Variants in AP3B1 observed in about 807,000 individuals in gnomAD.
AP3B1 encodes AP-3 complex subunit beta-1.
AP3B1 carries 61 observed loss-of-function variants against 132.5 expected under a neutral mutation model. The ratio of observed to expected loss-of-function variants is 0.46; its 90% CI spans 0.37 to 0.57. The LOEUF (loss-of-function observed/expected upper bound fraction) is 0.57, where lower values mean the gene tolerates loss of function less well. Ranked by LOEUF, AP3B1 falls within the 20% of genes least tolerant of loss-of-function variation. The pLI, the probability that AP3B1 is intolerant of heterozygous loss-of-function variation, is 0.00. For synonymous variants in AP3B1, 388 were observed against 438.3 expected (o/e 0.89, Z 1.43); for missense variants, 1,120 against 1,289.4 (o/e 0.87, Z 2.01).
intron 7 of AP3B1, among the ~76,000 whole-genome samples, chr5:78,209,157 T>A (rs1745632005): frequency 6.6e-6 from 1 of 151,966 alleles, no homozygotes; most frequent in Non-Finnish European, 1.5e-5. Context: ...AGGGACCCCT[T>A]CTCACGACCA....
intron 11 of AP3B1, among the ~76,000 whole-genome samples, chr5:78,168,219 CTTT>C (rs535444476): frequency 0.011 from 1,543 of 142,736 alleles, 15 homozygotes; most frequent in Middle Eastern, 0.018. Context: ...CAACTTTTTT[CTTT>C]TTTCTTTTTT....
At chr5:78,192,539 G>A (rs1451073244) in intron 7 of AP3B1, among the ~76,000 whole-genome samples, 1 of 152,144 alleles carries the variant, frequency 6.6e-6, no homozygotes, top group African/African-American at 2.4e-5. Context: ...CTACTCCAGA[G>A]GCTGAGGTAG....
intron 7 of AP3B1, among the ~76,000 whole-genome samples, chr5:78,190,105 AG>A (rs1744768478): frequency 6.6e-6 from 1 of 152,014 alleles, no homozygotes; most frequent in Admixed American, 6.6e-5. Flanking sequence ...CTAAAATAAA[AG>A]GGATTATTTG....
At chr5:78,024,546 T>C (rs1187678943) in intron 24 of AP3B1, among the ~76,000 whole-genome samples, 1 of 149,180 alleles carries the variant, frequency 6.7e-6, no homozygotes, top group African/African-American at 2.5e-5. Flanking sequence ...CATGCCACCA[T>C]GCCTAGCTAA....
chr5:78,205,048 T>G (rs1221935245), intron 7 of AP3B1, among the ~76,000 whole-genome samples: 2 of 152,162 alleles, frequency 1.3e-5, no homozygotes, highest in Non-Finnish European at 2.9e-5. Context: ...GGGGAAAATA[T>G]GGATTAGAAA....
At chr5:78,259,726 G>T (rs547299423) in intron 2 of AP3B1, among the ~76,000 whole-genome samples, 142 of 152,254 alleles carry the variant, frequency 9.3e-4, no homozygotes, top group Middle Eastern at 3.4e-3. Flanking sequence ...CCAGCACTTT[G>T]GGAGGCCAAG....
intron 24 of AP3B1, among the ~76,000 whole-genome samples, chr5:78,026,244 G>T (rs1479967610): frequency 6.6e-6 from 1 of 152,204 alleles, no homozygotes; most frequent in East Asian, 1.9e-4. Flanking sequence ...TATTAGGGTA[G>T]CTTTAAATAG....
At chr5:78,157,675 G>T (rs1743206309) in intron 13 of AP3B1, among the ~76,000 whole-genome samples, 1 of 152,098 alleles carries the variant, frequency 6.6e-6, no homozygotes, top group South Asian at 2.1e-4. Flanking sequence ...GGGCTTCATG[G>T]CTATTAGGAA....
intron 13 of AP3B1, among the ~76,000 whole-genome samples, chr5:78,156,806 A>C (rs1316987031): frequency 6.6e-6 from 1 of 152,206 alleles, no homozygotes; most frequent in African/African-American, 2.4e-5. Context: ...CTAAAAAAAA[A>C]ATTTTTCCTT....
chr5:78,109,626 CAGAT>C (rs1419266117), intron 20 of AP3B1, among the ~76,000 whole-genome samples: 3 of 152,142 alleles, frequency 2.0e-5, no homozygotes, highest in African/African-American at 7.2e-5. Flanking sequence ...GACTTGAAAT[CAGAT>C]AGAATACATT....
intron 24 of AP3B1, among the ~76,000 whole-genome samples, chr5:78,029,949 A>C (rs1747501712): frequency 1.3e-5 from 2 of 152,090 alleles, no homozygotes; most frequent in South Asian, 4.2e-4. Context: ...CTCTTCTCAG[A>C]CATAACAAGA....
chr5:78,014,051 C>T (rs527658646), intron 26 of AP3B1, among the ~76,000 whole-genome samples: 235 of 152,148 alleles, frequency 1.5e-3, no homozygotes, highest in Non-Finnish European at 2.5e-3. Flanking sequence ...TAGTCCCAGC[C>T]ACTCGGGAGG....
At chr5:78,184,686 C>CAAAAA (rs772722596) in intron 7 of AP3B1, among the ~76,000 whole-genome samples, 6 of 110,566 alleles carry the variant, frequency 5.4e-5, no homozygotes, top group East Asian at 2.4e-4. Flanking sequence ...GACACTGTCT[C>CAAAAA]AAAAAAAAAA....
intron 24 of AP3B1, among the ~76,000 whole-genome samples, chr5:78,032,214 G>A (rs1401425723): frequency 6.6e-6 from 1 of 151,994 alleles, no homozygotes; most frequent in East Asian, 1.9e-4. Flanking sequence ...GCTAAAGTAG[G>A]ATCATTTTAC....
chr5:78,041,982 G>T, intron 22 of AP3B1: 1 of 196,800 alleles, frequency 5.1e-6, no homozygotes, highest in South Asian at 1.1e-4. Flanking sequence ...CAGTGGGCTT[G>T]GCTGTATATA....
At chr5:78,174,069 A>G (rs1744040186) in intron 11 of AP3B1, among the ~76,000 whole-genome samples, 1 of 152,114 alleles carries the variant, frequency 6.6e-6, no homozygotes, top group Non-Finnish European at 1.5e-5. Flanking sequence ...TGTTTATTCT[A>G]GTTAGCCATT....
At chr5:78,104,198 A>G (rs1277702539) in intron 20 of AP3B1, among the ~76,000 whole-genome samples, 2 of 152,200 alleles carry the variant, frequency 1.3e-5, no homozygotes, top group African/African-American at 2.4e-5. Context: ...ACCAAAGATA[A>G]TTTAATGACT....
intron 22 of AP3B1, among the ~76,000 whole-genome samples, chr5:78,085,203 G>A (rs1226449995): frequency 6.6e-6 from 1 of 152,148 alleles, no homozygotes; most frequent in African/African-American, 2.4e-5. Context: ...AGTGTATAAT[G>A]CCTGCTTCAT....
intron 4 of AP3B1, 89 bp from the exon 5 acceptor site, chr5:78,227,621 G>A: frequency 1.6e-6 from 2 of 1,255,370 alleles, no homozygotes; most frequent in Non-Finnish European, 2.3e-6. Flanking sequence ...GTGCTTAAAG[G>A]GTGTAATATG....
Sources: gnomAD v4.1 joint callset for allele counts (sites outside exome capture counted in the v4.1 genomes callset) on GRCh38, gnomAD v4.1.1 for gene constraint, MANE v1.5 for transcripts, NCBI Gene and HGNC (gene_info 2026-07-23, HGNC 2026-07-21) for gene names.